TAFA4: variants seen among roughly 807,000 people sequenced by gnomAD.
TAFA4 encodes chemokine-like protein TAFA-4.
Under a neutral mutation model 21.1 loss-of-function variants are expected in TAFA4, and 20 were observed. The ratio of observed to expected loss-of-function variants is 0.95; its 90% CI spans 0.67 to 1.38. TAFA4 has a LOEUF of 1.38. TAFA4 is among the 40% of genes most tolerant of loss of function. TAFA4 has a pLI of 0.00. For synonymous variants in TAFA4, 71 were observed against 67.4 expected (o/e 1.05, Z -0.26); for missense variants, 211 against 180.9 (o/e 1.17, Z -0.95).
At chr3:68,736,227 C>G (rs1027532150) in intron 5 of TAFA4, among the ~76,000 whole-genome samples, 1 of 151,856 alleles carries the variant, frequency 6.6e-6, no homozygotes, top group Non-Finnish European at 1.5e-5. Flanking sequence ...AACTCTTTAG[C>G]TCACCGAATG....
chr3:68,742,729 AT>A (rs900369944), intron 4 of TAFA4, among the ~76,000 whole-genome samples: 3 of 152,202 alleles, frequency 2.0e-5, no homozygotes, highest in African/African-American at 2.4e-5. Context: ...AATAAAAAAT[AT>A]TTTTAAAAAC....
intron 2 of TAFA4, among the ~76,000 whole-genome samples, chr3:68,882,057 G>T (rs1217205275): frequency 6.6e-6 from 1 of 152,164 alleles, no homozygotes; most frequent in Non-Finnish European, 1.5e-5. Context: ...TTGAGATTTG[G>T]TCTGCTTTTT....
At chr3:68,928,539 C>G (rs946897576) in intron 1 of TAFA4, among the ~76,000 whole-genome samples, 1 of 152,172 alleles carries the variant, frequency 6.6e-6, no homozygotes, top group Admixed American at 6.5e-5. Context: ...GTTCAAATTG[C>G]GTCACCCTGC....
intron 3 of TAFA4, among the ~76,000 whole-genome samples, chr3:68,846,949 G>C (rs539480461): frequency 6.6e-6 from 1 of 152,112 alleles, no homozygotes; most frequent in Non-Finnish European, 1.5e-5. Flanking sequence ...TGAGATGTCT[G>C]TCGACCCCTG....
chr3:68,784,432 G>A (rs920785585), intron 3 of TAFA4, among the ~76,000 whole-genome samples: 3 of 152,094 alleles, frequency 2.0e-5, no homozygotes, highest in South Asian at 2.1e-4. Context: ...GTGGGTTCAC[G>A]GTCTCGCTGG....
chr3:68,862,434 T>C (rs1322158230), intron 3 of TAFA4, among the ~76,000 whole-genome samples: 2 of 152,108 alleles, frequency 1.3e-5, no homozygotes, highest in Non-Finnish European at 2.9e-5. Context: ...CAACAAGCAT[T>C]TAGCAGCATA....
chr3:68,824,146 C>T (rs1401343756), intron 3 of TAFA4, among the ~76,000 whole-genome samples: 4 of 152,138 alleles, frequency 2.6e-5, no homozygotes, highest in East Asian at 3.8e-4. Context: ...AAAATCGTAA[C>T]GACAACATAG....
At chr3:68,767,058 G>C (rs1259349612) in intron 3 of TAFA4, among the ~76,000 whole-genome samples, 1 of 151,848 alleles carries the variant, frequency 6.6e-6, no homozygotes, top group Admixed American at 6.6e-5. Flanking sequence ...TTTTTGTTTT[G>C]AATATTTTAT....
chr3:68,810,700 G>T (rs904418053), intron 3 of TAFA4, among the ~76,000 whole-genome samples: 1 of 152,182 alleles, frequency 6.6e-6, no homozygotes. Flanking sequence ...GGAGCCCACC[G>T]CAGCTCAAGG....
At chr3:68,869,983 T>G (rs1452643262) in intron 3 of TAFA4, among the ~76,000 whole-genome samples, 1 of 151,880 alleles carries the variant, frequency 6.6e-6, no homozygotes, top group African/African-American at 2.4e-5. Flanking sequence ...CAAAAAACAC[T>G]GAGAACTGAT....
chr3:68,806,919 T>G (rs7635448), intron 3 of TAFA4, among the ~76,000 whole-genome samples: 101,001 of 151,588 alleles, frequency 0.67, 34,105 homozygotes, highest in East Asian at 0.98. Flanking sequence ...TGTTACAGCA[T>G]CCTGAAAGGC....
intron 3 of TAFA4, among the ~76,000 whole-genome samples, chr3:68,756,348 G>T (rs1176154105): frequency 6.6e-6 from 1 of 152,166 alleles, no homozygotes. Flanking sequence ...ATGATTTTCA[G>T]ATACATCCAT....
At chr3:68,825,277 C>T (rs1194226555) in intron 3 of TAFA4, among the ~76,000 whole-genome samples, 1 of 152,130 alleles carries the variant, frequency 6.6e-6, no homozygotes, top group African/African-American at 2.4e-5. Context: ...ACCTCCAGCT[C>T]CATCCACATC....
intron 1 of TAFA4, among the ~76,000 whole-genome samples, chr3:68,917,434 T>G (rs376823809): frequency 5.1e-4 from 77 of 151,572 alleles, no homozygotes; most frequent in Middle Eastern, 6.8e-3. Context: ...CCTCCCCCCC[T>G]GTGTGTCAGT....
chr3:68,764,083 T>C (rs1355841320), intron 3 of TAFA4, among the ~76,000 whole-genome samples: 4 of 152,162 alleles, frequency 2.6e-5, no homozygotes, highest in Admixed American at 2.6e-4. Flanking sequence ...CAAATTCATA[T>C]GTTGAAACTC....
intron 3 of TAFA4, among the ~76,000 whole-genome samples, chr3:68,833,994 C>T (rs959661254): frequency 7.2e-5 from 11 of 152,194 alleles, no homozygotes; most frequent in Non-Finnish European, 1.5e-4. Flanking sequence ...GAGGCAGACA[C>T]ATATTCCCAA....
chr3:68,810,158 T>C (rs528515254), intron 3 of TAFA4, among the ~76,000 whole-genome samples: 1 of 152,314 alleles, frequency 6.6e-6, no homozygotes, highest in South Asian at 2.1e-4. Flanking sequence ...GTACATTGCT[T>C]TGGGTAATGT....
At chr3:68,819,438 T>C (rs923829538) in intron 3 of TAFA4, among the ~76,000 whole-genome samples, 2 of 152,198 alleles carry the variant, frequency 1.3e-5, no homozygotes, top group African/African-American at 2.4e-5. Flanking sequence ...ATCTTGTTTC[T>C]AATCTTAGAG....
In TAFA4 at chr3:68,880,732, G is replaced by C; in HGVS notation, c.128C>G (p.Ala43Gly). The C allele has an allele frequency of 3.1e-6, 5 of 1,613,710 alleles. No homozygotes were observed. Among genetic ancestry groups the C allele is most frequent in the Non-Finnish European group, 4.2e-6 (5 of 1,179,708 alleles). ...SASSQHLRGHAGHHQIKQGTC... is the reference protein window; with the variant it reads ...SASSQHLRGHGGHHQIKQGTC... Reference sequence around the variant, plus strand: ...CATAATGAGCTTAAAGGGCTTACCTGCATGTCCCCGGAGGTGCTGGCTTGA... The same window carrying C: ...CATAATGAGCTTAAAGGGCTTACCTCCATGTCCCCGGAGGTGCTGGCTTGA... The change falls in exon 3 of 6, where the codon GCA becomes GGA. Residue 43 changes from alanine to glycine, a missense_variant and splice_region_variant. By Grantham distance (60) the Ala-to-Gly change is moderately conservative. Coordinates refer to ENST00000295569, the MANE Select transcript of TAFA4 (RefSeq NM_182522.5).
Sources: gnomAD v4.1 joint callset for allele counts (sites outside exome capture counted in the v4.1 genomes callset) on GRCh38, gnomAD v4.1.1 for gene constraint, MANE v1.5 for transcripts, NCBI Gene and HGNC (gene_info 2026-07-23, HGNC 2026-07-21) for gene names.